Variants in TMOD2 observed in about 807,000 individuals in gnomAD.
The protein encoded by TMOD2 is tropomodulin-2.
TMOD2 carries 22 observed loss-of-function variants against 39.9 expected under a neutral mutation model. That is an observed-to-expected ratio of 0.55 (90% CI 0.39 to 0.79). The LOEUF is 0.79. Among genes scored for constraint, TMOD2 ranks in the 30% least tolerant of loss-of-function variants. The pLI is 0.00. For synonymous variants in TMOD2, 123 were observed against 146.1 expected (o/e 0.84, Z 1.14); for missense variants, 386 against 413.3 (o/e 0.93, Z 0.57).
chr15:51,787,438 A>T (rs2055978510), intron 7 of TMOD2, among the ~76,000 whole-genome samples: 1 of 152,250 alleles, frequency 6.6e-6, no homozygotes, highest in Non-Finnish European at 1.5e-5. Flanking sequence ...TCTGAACAAA[A>T]GGCAGCAGAC....
intron 3 of TMOD2, among the ~76,000 whole-genome samples, chr15:51,768,629 A>C (rs1430209514): frequency 1.3e-5 from 2 of 152,144 alleles, no homozygotes; most frequent in Admixed American, 6.5e-5. Context: ...ACTGTCCGGG[A>C]AATGGGAAAT....
At chr15:51,800,422 G>C (rs2056079724) in intron 8 of TMOD2, among the ~76,000 whole-genome samples, 1 of 152,142 alleles carries the variant, frequency 6.6e-6, no homozygotes, top group African/African-American at 2.4e-5. Context: ...TATAATCCCA[G>C]CTACTGGGGA....
At chr15:51,762,909 T>C (rs543036805) in intron 1 of TMOD2, among the ~76,000 whole-genome samples, 12 of 152,310 alleles carry the variant, frequency 7.9e-5, no homozygotes, top group African/African-American at 2.9e-4. Flanking sequence ...AAGTATTCCA[T>C]TATGTGGATA....
intron 8 of TMOD2, among the ~76,000 whole-genome samples, chr15:51,800,904 T>C (rs1303238735): frequency 1.3e-5 from 2 of 152,166 alleles, no homozygotes; most frequent in Non-Finnish European, 2.9e-5. Context: ...AGGGTCTCAC[T>C]ATATTTCCCA....
At chr15:51,755,299 C>A (rs912173357) in intron 1 of TMOD2, among the ~76,000 whole-genome samples, 1 of 152,232 alleles carries the variant, frequency 6.6e-6, no homozygotes, top group Non-Finnish European at 1.5e-5. Flanking sequence ...TCCCATGTTT[C>A]AGCACAACCT....
At chr15:51,795,063 G>A (rs1465037623) in intron 7 of TMOD2, among the ~76,000 whole-genome samples, 1 of 152,044 alleles carries the variant, frequency 6.6e-6, no homozygotes, top group Non-Finnish European at 1.5e-5. Flanking sequence ...GTTTTTCCTT[G>A]CTAGAAATTT....
At chr15:51,784,553 T>A (rs1264558084) in intron 7 of TMOD2, 1 of 152,206 alleles carries the variant, frequency 6.6e-6, no homozygotes, top group East Asian at 1.9e-4. Context: ...TAAGCACTCA[T>A]GTAAAAGAGG....
At chr15:51,769,382 T>C (rs1439892287) in intron 3 of TMOD2, among the ~76,000 whole-genome samples, 3 of 152,230 alleles carry the variant, frequency 2.0e-5, no homozygotes, top group Admixed American at 2.0e-4. Flanking sequence ...AGTGCAGTCA[T>C]TCATGCATCC....
intron 7 of TMOD2, among the ~76,000 whole-genome samples, chr15:51,795,077 G>T (rs1017940553): frequency 6.6e-6 from 1 of 152,006 alleles, no homozygotes; most frequent in Non-Finnish European, 1.5e-5. Context: ...GAAATTTTTA[G>T]TACTCTCTTT....
Position 51,809,792 on chromosome 15 carries a change from TACTAA to T in TMOD2, c.*1341_*1345del, listed in dbSNP as rs1476512740. The T allele has an allele frequency of 6.6e-6, 1 of 152,194 alleles. No individual in the cohort carries two copies. Among genetic ancestry groups the T allele is most frequent in the Admixed American group, 6.5e-5 (1 of 15,278 alleles). 9.4% of individuals were successfully genotyped at this position (152,194 alleles called of 1,614,324 possible). ...TTTTCCTCTTTTCTCTGTAATTTGT[TACTAA>T]ACAAATTCCAGAATTTGTTTAGTAG... On this transcript the variant is annotated 3_prime_UTR_variant, in exon 10 of 10. Coordinates refer to ENST00000249700, the MANE Select transcript of TMOD2 (RefSeq NM_014548.4).
In TMOD2 at chr15:51,776,973, G is replaced by A. The variant is rs115659547; in HGVS notation, c.448G>A (p.Asp150Asn). 13 of 1,613,796 alleles carry A rather than the reference G, an allele frequency of 8.1e-6. No individual in the cohort carries two copies. Among genetic ancestry groups the A allele is most frequent in the African/African-American group, 6.7e-5 (5 of 74,910 alleles). ...VHNLLNNPKFDEETANNKGGK... is the reference protein window; with the variant it reads ...VHNLLNNPKFNEETANNKGGK... ...CAATTTGCTCAACAATCCAAAGTTC[G>A]ATGAAGAAACAGCCAACAATAAAGG... Residue 150 changes from aspartate (D) to asparagine (N), a missense_variant, in exon 5 of 10, where the codon GAT (aspartate) becomes AAT (asparagine). Asp to Asn is a conservative substitution (Grantham distance 23). Transcript: ENST00000249700.
chr15:51,795,000 T>G (rs1280989691), intron 7 of TMOD2, among the ~76,000 whole-genome samples: 1 of 152,238 alleles, frequency 6.6e-6, no homozygotes, highest in African/African-American at 2.4e-5. Context: ...CTCATGGGCC[T>G]TACAATGTAG....
chr15:51,761,421 T>A (rs2055779900), intron 1 of TMOD2, among the ~76,000 whole-genome samples: 1 of 152,084 alleles, frequency 6.6e-6, no homozygotes, highest in Admixed American at 6.6e-5. Context: ...AGTTAGAGAA[T>A]CCAGCAATAG....
rs2056147172 is a variant in TMOD2 at position 51,810,186 on chromosome 15, G to A, written c.*1732G>A. The A allele has an allele frequency of 6.6e-6, 1 of 152,042 alleles. No homozygotes were observed. Among genetic ancestry groups the A allele is most frequent in the South Asian group, 2.1e-4 (1 of 4,824 alleles). 9.4% of individuals were successfully genotyped at this position (152,042 alleles called of 1,614,324 possible). A position where few individuals can be genotyped will look rare whatever the true frequency, so the allele number is the denominator to read the frequency against. ...TCCCTTTCACCCATTTAGGTGTGAT[G>A]TGTTGGAGTCAACTTGTACAGGCTT... On this transcript the variant is annotated 3_prime_UTR_variant, in exon 10 of 10. Coordinates refer to ENST00000249700, the MANE Select transcript of TMOD2 (RefSeq NM_014548.4).
chr15:51,800,946 C>G (rs929412364), intron 8 of TMOD2, among the ~76,000 whole-genome samples: 25 of 152,174 alleles, frequency 1.6e-4, no homozygotes, highest in Non-Finnish European at 3.2e-4. Context: ...TTCAAGCCAT[C>G]CTCCTGCCTC....
At chr15:51,761,218 GGC>G (rs2055778637) in intron 1 of TMOD2, among the ~76,000 whole-genome samples, 1 of 151,580 alleles carries the variant, frequency 6.6e-6, no homozygotes, top group South Asian at 2.1e-4. Flanking sequence ...AGGAACAAAA[GGC>G]TGAAACAAGA....
At chr15:51,777,471 T>C (rs923106201) in intron 5 of TMOD2, among the ~76,000 whole-genome samples, 3 of 152,202 alleles carry the variant, frequency 2.0e-5, no homozygotes, top group Non-Finnish European at 4.4e-5. Context: ...AGAATTTGAA[T>C]GTCCACTTCC....
chr15:51,769,365 A>G (rs939648915), intron 3 of TMOD2, among the ~76,000 whole-genome samples: 2 of 152,216 alleles, frequency 1.3e-5, no homozygotes, highest in African/African-American at 4.8e-5. Context: ...GGCTACCATT[A>G]AAGTCTAGTG....
chr15:51,782,817 C>G lies in TMOD2; in HGVS notation c.721C>G (p.Pro241Ala). 1.2e-6 allele frequency: 2 copies of G among 1,613,750 alleles called. No homozygotes were observed. Among genetic ancestry groups the G allele is most frequent in the Non-Finnish European group, 1.7e-6 (2 of 1,179,718 alleles). The change falls in exon 7 of 10, where the codon CCT becomes GCT. Residue 241 changes from proline (P) to alanine (A), a missense_variant. Physicochemically the swap from Pro to Ala is conservative, Grantham distance 27. Coordinates refer to ENST00000249700, the MANE Select transcript of TMOD2 (RefSeq NM_014548.4). The stretch of plus-strand genomic sequence containing the variant: ...CCTGGCCGCAACTCGCAGCAATGAC[C>G]CTGTGGCCATTGTGAGTAAAATTCT... ...FSLAATRSNDPVAIAFADMLK... is the reference protein window; with the variant it reads ...FSLAATRSNDAVAIAFADMLK...
Sources: gnomAD v4.1 joint callset for allele counts (sites outside exome capture counted in the v4.1 genomes callset) on GRCh38, gnomAD v4.1.1 for gene constraint, MANE v1.5 for transcripts, NCBI Gene and HGNC (gene_info 2026-07-23, HGNC 2026-07-21) for gene names.